The following NEO1 variants were observed in gnomAD, a reference collection of about 807,000 sequenced individuals.
The protein encoded by NEO1 is neogenin.
NEO1 carries 63 observed loss-of-function variants against 159.7 expected under a neutral mutation model. The observed-to-expected ratio is 0.39, with a 90% CI of 0.32 to 0.49. NEO1 has a LOEUF of 0.49. Ranked by LOEUF, NEO1 falls within the 20% of genes least tolerant of loss-of-function variation. The pLI is 0.85. For missense variants in NEO1, 1,615 were observed against 1,831.0 expected (o/e 0.88, Z 2.15); for synonymous variants, 633 against 662.0 (o/e 0.96, Z 0.67).
At chr15:73,094,093 A>G (rs993815677) in intron 1 of NEO1, among the ~76,000 whole-genome samples, 3 of 152,180 alleles carry the variant, frequency 2.0e-5, no homozygotes, top group Admixed American at 6.5e-5. Context: ...TATAACTCAC[A>G]TACTATATAA....
intron 1 of NEO1, among the ~76,000 whole-genome samples, chr15:73,068,865 A>G (rs1411028695): frequency 4.0e-5 from 6 of 151,310 alleles, no homozygotes; most frequent in Admixed American, 6.6e-5. Context: ...TTTAACTTTT[A>G]TGTACATTTA....
At chr15:73,253,490 C>A in intron 12 of NEO1, 41 bp downstream of exon 12, 1 of 1,431,264 alleles carries the variant, frequency 7.0e-7, no homozygotes, top group Non-Finnish European at 9.6e-7. Context: ...TACTGGTATA[C>A]TGTTGCGCCT....
chr15:73,130,767 T>TC (rs1254770576), intron 4 of NEO1, among the ~76,000 whole-genome samples: 1 of 152,170 alleles, frequency 6.6e-6, no homozygotes, highest in Non-Finnish European at 1.5e-5. Flanking sequence ...AGGCAACCCT[T>TC]CCCTTCACAC....
chr15:73,283,681 G>A (rs2041823230), intron 23 of NEO1, among the ~76,000 whole-genome samples: 1 of 152,182 alleles, frequency 6.6e-6, no homozygotes, highest in Non-Finnish European at 1.5e-5. Flanking sequence ...GCCAACTAGA[G>A]AATAGATGTG....
At chr15:73,124,559 A>G (rs911895651) in intron 3 of NEO1, among the ~76,000 whole-genome samples, 11 of 152,268 alleles carry the variant, frequency 7.2e-5, no homozygotes, top group African/African-American at 2.4e-4. Flanking sequence ...TTCTAGAACA[A>G]TCCAGATATG....
At chr15:73,084,153 A>C (rs547172933) in intron 1 of NEO1, among the ~76,000 whole-genome samples, 1 of 152,244 alleles carries the variant, frequency 6.6e-6, no homozygotes, top group South Asian at 2.1e-4. Context: ...CTAGAACTTA[A>C]AGTATAATTA....
chr15:73,283,499 G>A (rs1596589921), intron 23 of NEO1, among the ~76,000 whole-genome samples: 1 of 152,176 alleles, frequency 6.6e-6, no homozygotes, highest in Non-Finnish European at 1.5e-5. Context: ...GGGTGCTAGA[G>A]GCATGCAGCC....
intron 1 of NEO1, among the ~76,000 whole-genome samples, chr15:73,053,103 C>T (rs748052541): frequency 3.3e-5 from 5 of 152,118 alleles, no homozygotes; most frequent in Non-Finnish European, 7.4e-5. Context: ...CAGGCTCATC[C>T]CACTTGTAAG....
At chr15:73,214,358 C>G (rs1162970568) in intron 7 of NEO1, among the ~76,000 whole-genome samples, 2 of 152,198 alleles carry the variant, frequency 1.3e-5, no homozygotes, top group African/African-American at 4.8e-5. Flanking sequence ...AAGCCAATGT[C>G]TAGAAGGGTT....
chr15:73,241,599 C>T (rs2150891546), intron 8 of NEO1, among the ~76,000 whole-genome samples: 1 of 152,320 alleles, frequency 6.6e-6, no homozygotes, highest in South Asian at 2.1e-4. Flanking sequence ...ACTAGAATTG[C>T]ATCTCCTAAC....
chr15:73,090,843 A>G (rs1455236744), intron 1 of NEO1, among the ~76,000 whole-genome samples: 3 of 152,152 alleles, frequency 2.0e-5, no homozygotes, highest in Admixed American at 2.0e-4. Flanking sequence ...ACCCTATAGC[A>G]TATTTTTTGT....
rs150316151 is a variant in NEO1, at chr15:73,157,712, C to T, written c.1016-18691C>T. Among the ~76,000 whole-genome samples, 2 of 152,352 alleles carry T rather than the reference C, an allele frequency of 1.3e-5. 1 individual carries two copies. Among genetic ancestry groups the T allele is most frequent in the Non-Finnish European group, 2.9e-5 (2 of 68,036 alleles). On this transcript the variant is annotated intron_variant, in intron 5 of 28. Transcript: ENST00000261908. ...TATATTTAAAGTGTGATTGTCTACA[C>T]ACAATTTTTGTTCTTCTAAGTGGAT...
At chr15:73,225,556 C>T (rs1216265306) in intron 7 of NEO1, among the ~76,000 whole-genome samples, 1 of 152,034 alleles carries the variant, frequency 6.6e-6, no homozygotes, top group African/African-American at 2.4e-5. Flanking sequence ...CTGAGTCATG[C>T]AGGTTGTCAG....
intron 1 of NEO1, among the ~76,000 whole-genome samples, chr15:73,095,546 A>G (rs1204091909): frequency 2.6e-5 from 4 of 152,168 alleles, no homozygotes; most frequent in African/African-American, 7.2e-5. Context: ...TTCACCAACA[A>G]TTTTATTGCC....
Position 73,071,549 on chromosome 15 carries a change from A to G in NEO1, c.130+18744A>G, listed in dbSNP as rs1317292029. 2.6e-5 allele frequency among the ~76,000 whole-genome samples: 4 copies of G among 151,082 alleles called. No homozygotes were observed. The East Asian group carries it at 7.9e-4, about 30-fold the overall frequency. ...TTGTTTGTTTGTTTGTTTTTTTGAGACAGAGTCTCACTCCATCACCCAGGC... is the reference window on the plus strand; with the variant it reads ...TTGTTTGTTTGTTTGTTTTTTTGAGGCAGAGTCTCACTCCATCACCCAGGC... On this transcript the variant is annotated intron_variant, in intron 1 of 28. Transcript: ENST00000261908.
At chr15:73,177,015 C>T (rs2035316510) in intron 6 of NEO1, among the ~76,000 whole-genome samples, 2 of 152,120 alleles carry the variant, frequency 1.3e-5, no homozygotes, top group South Asian at 4.1e-4. Context: ...AAAACTTAAC[C>T]TTAAATCGTA....
chr15:73,186,801 T>C (rs545590210), intron 7 of NEO1, among the ~76,000 whole-genome samples: 58 of 152,282 alleles, frequency 3.8e-4, no homozygotes, highest in Non-Finnish European at 6.5e-4. Flanking sequence ...CAAAATTTTC[T>C]GTAAAGGGCT....
At chr15:73,064,223 A>G (rs561613988) in intron 1 of NEO1, among the ~76,000 whole-genome samples, 9 of 152,224 alleles carry the variant, frequency 5.9e-5, no homozygotes, top group Non-Finnish European at 1.3e-4. Context: ...CACTTTGTTC[A>G]CACTTAAACT....
intron 22 of NEO1, among the ~76,000 whole-genome samples, chr15:73,281,348 A>AG (rs1234683886): frequency 6.6e-6 from 1 of 150,990 alleles, no homozygotes; most frequent in Non-Finnish European, 1.5e-5. Context: ...TCCGCCTCCC[A>AG]GGTTCGCGCC....
Sources: gnomAD v4.1 joint callset for allele counts (sites outside exome capture counted in the v4.1 genomes callset) on GRCh38, gnomAD v4.1.1 for gene constraint, MANE v1.5 for transcripts, NCBI Gene and HGNC (gene_info 2026-07-23, HGNC 2026-07-21) for gene names.